The following KIF3A variants were observed in gnomAD, a reference collection of about 807,000 sequenced individuals.
KIF3A encodes kinesin-like protein KIF3A.
A neutral mutation model predicts 92.6 loss-of-function variants in KIF3A; 27 were observed. That is an observed-to-expected ratio of 0.29 (90% CI 0.21 to 0.40). KIF3A has a LOEUF of 0.40. Ranked by LOEUF, KIF3A falls within the 10% of genes least tolerant of loss-of-function variation. The probability of loss-of-function intolerance (pLI) is 1.00; values close to 1 mark genes in which losing one functional copy is unlikely to be tolerated. For synonymous variants in KIF3A, 250 were observed against 275.4 expected (o/e 0.91, Z 0.92); for missense variants, 581 against 872.6 (o/e 0.67, Z 4.21).
In KIF3A at chr5:132,699,224, T is replaced by C. The variant is rs775257517; in HGVS notation, c.2079A>G (p.Lys693=). 1.2e-6 allele frequency: 2 copies of C among 1,613,920 alleles called. No homozygotes were observed. The highest frequency in any genetic ancestry group is 8.5e-7 in the Non-Finnish European group (1 of 1,179,814). The part of the protein sequence containing the change: ...TEESLRQSLM[K]LERPRTSKGK... ...CCTTTGAAGTTCGTGGTCTTTCTAG[T>C]TTCATCAAAGACTGACGCAGACTCT... The change falls in exon 18 of 19, where the codon AAA becomes AAG. Residue 693 remains lysine (K), a synonymous_variant. Coordinates refer to ENST00000403231, the MANE Select transcript of KIF3A (RefSeq NM_001300791.2).
Position 132,702,135 on chromosome 5 carries a change from A to C in KIF3A, c.1836T>G (p.Leu612=), listed in dbSNP as rs1211560391. The C allele has an allele frequency of 3.7e-6, 6 of 1,613,838 alleles. No individual in the cohort carries two copies. The highest frequency in any genetic ancestry group is 4.2e-6 in the Non-Finnish European group (5 of 1,179,878). The change falls in exon 15 of 19, where the codon CTT becomes CTG. Residue 612 remains leucine, a synonymous_variant. Coordinates refer to ENST00000403231, the MANE Select transcript of KIF3A (RefSeq NM_001300791.2). ...TATCAATAATAAGCATCTGAAGTCG[A>C]AGCTCCCGGCTAAGTTGCCGAATGT... ...LENIRQLSRE[L]RLQMLIIDNF...
intron 18 of KIF3A, 125 bp from the exon 19 acceptor site, chr5:132,696,807 G>A (rs1460469175): frequency 1.2e-5 from 8 of 662,402 alleles, no homozygotes; most frequent in South Asian, 3.9e-5. Context: ...AATTTGACAC[G>A]TTTGACCATG....
chr5:132,689,329 T>C (rs1353979988), downstream of KIF3A, among the ~76,000 whole-genome samples: 2 of 152,238 alleles, frequency 1.3e-5, no homozygotes, highest in Non-Finnish European at 2.9e-5. Context: ...TTCAGTGATT[T>C]TTACTCTACC....
intron 18 of KIF3A, among the ~76,000 whole-genome samples, chr5:132,698,949 GCTGGTCTCAAACTC>G (rs1228195519): frequency 3.3e-5 from 5 of 152,074 alleles, no homozygotes; most frequent in Admixed American, 6.6e-5. Context: ...TGTTAGCCAG[GCTGGTCTCAAACTC>G]CTGACCTCAA....
chr5:132,690,971 T>G (rs931975618), downstream of KIF3A, among the ~76,000 whole-genome samples: 1 of 152,184 alleles, frequency 6.6e-6, no homozygotes, highest in Non-Finnish European at 1.5e-5. Context: ...TGAAACTTGT[T>G]GACAAATCAA....
chr5:132,713,614 G>GCTGGGTAC (rs3052144), intron 8 of KIF3A, among the ~76,000 whole-genome samples: 4,495 of 152,148 alleles, frequency 0.03, 210 homozygotes, highest in African/African-American at 0.1. Flanking sequence ...CAATTCCATT[G>GCTGGGTAC]CTGGGTACAT....
At chr5:132,715,101 C>T (rs142735014) in intron 8 of KIF3A, among the ~76,000 whole-genome samples, 1 of 152,132 alleles carries the variant, frequency 6.6e-6, no homozygotes, top group East Asian at 1.9e-4. Context: ...GCCCTGTTTA[C>T]GTGGTTCGCG....
chr5:132,715,463 C>T (rs1383533735), intron 8 of KIF3A, among the ~76,000 whole-genome samples: 2 of 152,104 alleles, frequency 1.3e-5, no homozygotes, highest in Non-Finnish European at 2.9e-5. Context: ...AGAATTTGCT[C>T]TTATACAGAG....
At chr5:132,714,239 A>G (rs1484815472) in intron 8 of KIF3A, among the ~76,000 whole-genome samples, 4 of 152,098 alleles carry the variant, frequency 2.6e-5, no homozygotes, top group African/African-American at 7.2e-5. Context: ...AAATTCATAG[A>G]CAAAGCAGAA....
intron 5 of KIF3A, among the ~76,000 whole-genome samples, chr5:132,717,982 C>A (rs1753687750): frequency 6.6e-6 from 1 of 151,982 alleles, no homozygotes; most frequent in Non-Finnish European, 1.5e-5. Flanking sequence ...CAATAATTAA[C>A]ATATTTCTGG....
Position 132,726,431 on chromosome 5 carries a change from A to T in KIF3A, c.348T>A (p.Ile116=). The T allele has an allele frequency of 1.2e-6, 2 of 1,613,766 alleles. No individual in the cohort carries two copies. The highest frequency in any genetic ancestry group is 1.7e-6 in the Non-Finnish European group (2 of 1,179,698). The part of the protein sequence containing the change: ...KTFTMEGVRA[I]PELRGIIPNS... ...TGGGAATTATTCCTCTAAGTTCAGG[A>T]ATAGCTCGAACACCTTCCATGGTAA... is the stretch of plus-strand genomic sequence containing the variant. Residue 116 remains isoleucine (I), a synonymous_variant, in exon 3 of 19, where the codon ATT becomes ATA. Transcript: ENST00000403231.
intron 4 of KIF3A, 112 bp from the exon 5 acceptor site, chr5:132,720,826 T>C (rs766493851): frequency 4.6e-5 from 28 of 606,524 alleles, no homozygotes; most frequent in African/African-American, 4.3e-4. Flanking sequence ...ACTGATAAGA[T>C]AGACACTGTT....
In KIF3A at chr5:132,702,604, T is replaced by C; in HGVS notation, c.1712A>G (p.Lys571Arg). Reference sequence around the variant, plus strand: ...CATAGTCCAAACTTTCTTTAACTTCTTGGTCTTTCCCTGTGCTTCCTCTTG... The same window carrying C: ...CATAGTCCAAACTTTCTTTAACTTCCTGGTCTTTCCCTGTGCTTCCTCTTG... ...SLQEEAQGKT[K>R]KLKKVWTMLM... Residue 571 changes from lysine (K) to arginine (R), a missense_variant, in exon 14 of 19, where the codon AAG (lysine) becomes AGG (arginine). Physicochemically the swap from Lys to Arg is conservative, Grantham distance 26. Transcript: ENST00000403231. 6.2e-7 allele frequency: 1 copy of C among 1,613,362 alleles called. No individual in the cohort carries two copies. Among genetic ancestry groups the C allele is most frequent in the Non-Finnish European group, 8.5e-7 (1 of 1,179,676 alleles).
intron 2 of KIF3A, among the ~76,000 whole-genome samples, chr5:132,729,225 T>A (rs962482554): frequency 6.6e-6 from 1 of 152,100 alleles, no homozygotes; most frequent in African/African-American, 2.4e-5. Flanking sequence ...AAATCACCAC[T>A]GAAGAACTTA....
At chr5:132,691,130 G>A (rs959395868), downstream of KIF3A, among the ~76,000 whole-genome samples, 6 of 152,148 alleles carry the variant, frequency 3.9e-5, no homozygotes, top group African/African-American at 1.4e-4. Context: ...TCATGGCACT[G>A]TTACCACTAA....
intron 2 of KIF3A, among the ~76,000 whole-genome samples, chr5:132,732,435 A>T (rs2149922769): frequency 6.6e-6 from 1 of 152,366 alleles, no homozygotes. Context: ...TAATAAATGG[A>T]TAAACAAAAT....
At chr5:132,718,649 C>T (rs1401225138) in intron 5 of KIF3A, among the ~76,000 whole-genome samples, 1 of 151,534 alleles carries the variant, frequency 6.6e-6, no homozygotes, top group Non-Finnish European at 1.5e-5. Context: ...GTTTTTGAGA[C>T]AGAGTCTTCC....
chr5:132,729,108 C>T (rs909717446), intron 2 of KIF3A, among the ~76,000 whole-genome samples: 2 of 151,998 alleles, frequency 1.3e-5, no homozygotes, highest in Non-Finnish European at 2.9e-5. Context: ...AACGATACAG[C>T]GGACTTTGGG....
intron 2 of KIF3A, among the ~76,000 whole-genome samples, chr5:132,729,612 A>T (rs1360586520): frequency 6.6e-6 from 1 of 152,372 alleles, no homozygotes; most frequent in Non-Finnish European, 1.5e-5. Context: ...TAGAGAATTT[A>T]AAAATATTTG....
Sources: gnomAD v4.1 joint callset for allele counts (sites outside exome capture counted in the v4.1 genomes callset) on GRCh38, gnomAD v4.1.1 for gene constraint, MANE v1.5 for transcripts, NCBI Gene and HGNC (gene_info 2026-07-23, HGNC 2026-07-21) for gene names.